The following EVL variants were observed in gnomAD, a reference collection of about 807,000 sequenced individuals.
EVL encodes Enah/Vasp-like.
A neutral mutation model predicts 59.6 loss-of-function variants in EVL; 21 were observed. The observed-to-expected ratio is 0.35, with a 90% CI of 0.25 to 0.51. The LOEUF is 0.51. Ranked by LOEUF, EVL falls within the 20% of genes least tolerant of loss-of-function variation. The pLI is 0.97. For missense variants in EVL, 462 were observed against 546.6 expected (o/e 0.85, Z 1.54); for synonymous variants, 198 against 203.5 (o/e 0.97, Z 0.23).
In EVL at chr14:100,114,170, C is replaced by CG. The variant is rs34251845; in HGVS notation, c.359-9362dup. ...AGCAAGGAGCGAAGCGAAGGAGGGC[C>CG]GGGGGGGAATCAAATGAGCCTTACT... On this transcript the variant is annotated intron_variant, in intron 3 of 13. Transcript: ENST00000392920. This position sits in a 1 kb window ranked among gnomAD's most constrained non-coding sequence, Gnocchi z 5.0. Among the ~76,000 whole-genome samples, 88,412 of 151,114 alleles carry CG rather than the reference C, an allele frequency of 0.59. 27,332 individuals carry two copies. The highest frequency in any genetic ancestry group is 0.66 in the Admixed American group (10,066 of 15,182).
rs1396928249 is a variant in EVL at position 100,108,795 on chromosome 14, C to T, written c.358+11137C>T. Among the ~76,000 whole-genome samples the T allele has an allele frequency of 6.6e-6, 1 of 152,190 alleles. No homozygotes were observed. Among genetic ancestry groups the T allele is most frequent in the South Asian group, 2.1e-4 (1 of 4,824 alleles). On this transcript the variant is annotated intron_variant, in intron 3 of 13. Transcript: ENST00000392920. This position sits in a 1 kb window ranked among gnomAD's most constrained non-coding sequence, Gnocchi z 4.1. Reference sequence around the variant, plus strand: ...CTTTGCACTCCCTCCTGCACTCCCACGGGGCTTTATTTTTGCCTCTGTCCT... The same window carrying T: ...CTTTGCACTCCCTCCTGCACTCCCATGGGGCTTTATTTTTGCCTCTGTCCT...
At chr14:100,016,582 CAA>C (rs1176261476) in intron 1 of EVL, among the ~76,000 whole-genome samples, 1 of 152,142 alleles carries the variant, frequency 6.6e-6, no homozygotes, top group Non-Finnish European at 1.5e-5. Context: ...GTCTCTAAAA[CAA>C]ACAAACAAAC....
At chr14:100,038,968 G>C (rs2061428918) in intron 1 of EVL, among the ~76,000 whole-genome samples, 1 of 152,062 alleles carries the variant, frequency 6.6e-6, no homozygotes, top group African/African-American at 2.4e-5. Context: ...GTTTCCTTCT[G>C]CAGCCATGAC....
chr14:100,078,017 G>A (rs940229094), intron 1 of EVL, among the ~76,000 whole-genome samples: 21 of 152,036 alleles, frequency 1.4e-4, no homozygotes, highest in Admixed American at 4.6e-4. Context: ...CTCGTGATCC[G>A]CCCGCCTTGG....
At chr14:100,122,363 G>C (rs1887756402) in intron 3 of EVL, among the ~76,000 whole-genome samples, 1 of 152,232 alleles carries the variant, frequency 6.6e-6, no homozygotes, top group African/African-American at 2.4e-5. Context: ...TGGCTTCCCA[G>C]CTGTTACAAG....
chr14:100,029,732 T>C (rs77421433), intron 1 of EVL, among the ~76,000 whole-genome samples: 2,069 of 152,190 alleles, frequency 0.014, 16 homozygotes, highest in Non-Finnish European at 0.021. Flanking sequence ...TGTTAGTAGG[T>C]GTGCGGGAGC....
At chr14:100,013,843 A>G (rs1405365617) in intron 1 of EVL, among the ~76,000 whole-genome samples, 3 of 152,146 alleles carry the variant, frequency 2.0e-5, no homozygotes, top group Admixed American at 6.5e-5. Context: ...GGGGGCTGAG[A>G]CTATTATGCA....
intron 7 of EVL, 88 bp downstream of exon 7, chr14:100,129,772 A>T: frequency 7.0e-7 from 1 of 1,427,582 alleles, no homozygotes; most frequent in Non-Finnish European, 9.2e-7. Context: ...TCCTCTCTTG[A>T]CCCCAGAATC....
upstream of EVL, chr14:100,065,418 G>T: frequency 1.1e-5 from 15 of 1,306,236 alleles, no homozygotes; most frequent in Non-Finnish European, 1.5e-5. Flanking sequence ...TCTTCAGAGG[G>T]TCTGTGGTCC....
chr14:100,123,452 G>A (rs1887825967), intron 3 of EVL, 87 bp from the exon 4 acceptor site: 25 of 1,323,824 alleles, frequency 1.9e-5, no homozygotes, highest in Non-Finnish European at 2.6e-5. Flanking sequence ...CAGCCAGAAG[G>A]TGGGCAGAGA....
Position 99,972,999 on chromosome 14 carries a change from T to G in EVL, c.5+942T>G, listed in dbSNP as rs986085062. On this transcript the variant is annotated intron_variant, in intron 1 of 13. Transcript: ENST00000402714. The surrounding 1 kb of genome is among the most constrained non-coding windows in gnomAD (Gnocchi z 4.4). ...ATCGTTATTTGTTCATTTTTATTGG[T>G]CTATAGTATTCTGTTGTAAGAATAT... Among the ~76,000 whole-genome samples, 1 of 152,224 alleles carries G rather than the reference T, an allele frequency of 6.6e-6. No individual in the cohort carries two copies. Among genetic ancestry groups the G allele is most frequent in the African/African-American group, 2.4e-5 (1 of 41,458 alleles).
intron 3 of EVL, among the ~76,000 whole-genome samples, chr14:100,113,889 A>T (rs1310600944): frequency 6.6e-6 from 1 of 152,090 alleles, no homozygotes; most frequent in African/African-American, 2.4e-5. Context: ...CAAAGTAAGG[A>T]TGAACCCAAT....
intron 1 of EVL, among the ~76,000 whole-genome samples, chr14:99,990,508 C>T (rs549476271): frequency 6.6e-6 from 1 of 152,208 alleles, no homozygotes; most frequent in Middle Eastern, 3.4e-3. Context: ...CTTTCCCTCT[C>T]CTGACAGCCC....
chr14:100,077,922 G>A (rs1357986108), intron 1 of EVL, among the ~76,000 whole-genome samples: 4 of 150,426 alleles, frequency 2.7e-5, no homozygotes, highest in African/African-American at 7.5e-5. Flanking sequence ...ACAAGCACCC[G>A]CCACCATGCC....
chr14:100,099,016 T>A (rs1886007417), intron 3 of EVL, among the ~76,000 whole-genome samples: 1 of 151,954 alleles, frequency 6.6e-6, no homozygotes, highest in Non-Finnish European at 1.5e-5. Context: ...TGAAGAGACA[T>A]AGTACTCAGA....
chr14:100,040,985 T>A (rs2061459194), intron 1 of EVL, among the ~76,000 whole-genome samples: 1 of 152,206 alleles, frequency 6.6e-6, no homozygotes, highest in African/African-American at 2.4e-5. Flanking sequence ...TAATCTGCCA[T>A]GTTGAATTCT....
chr14:100,094,929 T>C (rs1351333763), intron 2 of EVL, among the ~76,000 whole-genome samples: 1 of 151,394 alleles, frequency 6.6e-6, no homozygotes, highest in East Asian at 1.9e-4. Flanking sequence ...TAGTTCCAGC[T>C]ACTCTGGAGG....
rs144088010 is a variant in EVL, at chr14:99,985,437, A to G, written c.5+13380A>G. Among the ~76,000 whole-genome samples the G allele has an allele frequency of 5.5e-3, 842 of 152,102 alleles. 7 individuals are homozygous for G. The highest frequency in any genetic ancestry group is 0.019 in the African/African-American group (793 of 41,502). On this transcript the variant is annotated intron_variant, in intron 1 of 13. Coordinates refer to the EVL transcript ENST00000402714. ...TTGGCTTTTCAGATGCTTGAAGACA[A>G]TGGACTTCAGTAAGTCTTGCCTTTT... is the stretch of plus-strand genomic sequence containing the variant.
chr14:100,119,133 T>A (rs1887536473), intron 3 of EVL, among the ~76,000 whole-genome samples: 1 of 152,234 alleles, frequency 6.6e-6, no homozygotes, highest in African/African-American at 2.4e-5. Context: ...CCTGCTCTTG[T>A]TTGATGTTGG....
Sources: allele counts gnomAD v4.1 joint callset (sites outside exome capture counted in the v4.1 genomes callset), GRCh38; gene constraint gnomAD v4.1.1; non-coding constraint Gnocchi (gnomAD v3.1); transcripts MANE v1.5; gene names NCBI Gene and HGNC (gene_info 2026-07-23, HGNC 2026-07-21).